SGCZ: variants seen among roughly 807,000 people sequenced by gnomAD.
The protein encoded by SGCZ is zeta-sarcoglycan.
Under a neutral mutation model 41.3 loss-of-function variants are expected in SGCZ, and 40 were observed. That is an observed-to-expected ratio of 0.97 (90% CI 0.75 to 1.26). The LOEUF is 1.26. SGCZ is among the 50% of genes most tolerant of loss of function. The pLI, the probability that SGCZ is intolerant of heterozygous loss-of-function variation, is 0.00. For synonymous variants in SGCZ, 206 were observed against 137.5 expected (o/e 1.50, Z -3.49); for missense variants, 552 against 369.8 (o/e 1.49, Z -4.04).
intron 1 of SGCZ, among the ~76,000 whole-genome samples, chr8:14,834,058 T>C (rs1293032074): frequency 6.6e-6 from 1 of 152,284 alleles, no homozygotes; most frequent in Non-Finnish European, 1.5e-5. Flanking sequence ...AAGGAGTTAC[T>C]AACAGCATTG....
At chr8:14,948,131 G>A (rs1307298425) in intron 1 of SGCZ, among the ~76,000 whole-genome samples, 1 of 152,120 alleles carries the variant, frequency 6.6e-6, no homozygotes, top group Non-Finnish European at 1.5e-5. Flanking sequence ...TAAGCAGAAT[G>A]ACAGTATTTA....
At chr8:14,492,778 A>G (rs1801878566) in intron 2 of SGCZ, among the ~76,000 whole-genome samples, 1 of 152,104 alleles carries the variant, frequency 6.6e-6, no homozygotes, top group Non-Finnish European at 1.5e-5. Flanking sequence ...ACGTCTCTTC[A>G]CTAAAAGTGG....
At chr8:14,413,422 A>T (rs543209490) in intron 2 of SGCZ, among the ~76,000 whole-genome samples, 1 of 151,948 alleles carries the variant, frequency 6.6e-6, no homozygotes, top group African/African-American at 2.4e-5. Context: ...TCTTTCTTCT[A>T]TCTTTGCAAG....
intron 1 of SGCZ, among the ~76,000 whole-genome samples, chr8:15,131,049 T>C (rs1286918235): frequency 1.3e-5 from 2 of 152,178 alleles, no homozygotes; most frequent in East Asian, 3.9e-4. Context: ...ATAAGCAAGC[T>C]GAGGAAGCAT....
At chr8:14,993,902 C>T (rs1802113862) in intron 1 of SGCZ, among the ~76,000 whole-genome samples, 1 of 152,108 alleles carries the variant, frequency 6.6e-6, no homozygotes, top group African/African-American at 2.4e-5. Context: ...TATGACTTTG[C>T]TTAGATTTTA....
At chr8:14,179,551 T>C (rs559884588) in intron 4 of SGCZ, among the ~76,000 whole-genome samples, 6 of 152,292 alleles carry the variant, frequency 3.9e-5, no homozygotes, top group South Asian at 4.2e-4. Context: ...TGTTTCACTA[T>C]ATTAATGATA....
At chr8:15,101,338 G>A in intron 1 of SGCZ, among the ~76,000 whole-genome samples, 1 of 152,124 alleles carries the variant, frequency 6.6e-6, no homozygotes, top group East Asian at 1.9e-4. Context: ...TAAAACTCAT[G>A]TCTGATAAAA....
chr8:14,930,394 TA>T (rs1799891153), intron 1 of SGCZ, among the ~76,000 whole-genome samples: 1 of 152,046 alleles, frequency 6.6e-6, no homozygotes. Flanking sequence ...GATGGGAGTG[TA>T]AATTAGTTCA....
intron 4 of SGCZ, among the ~76,000 whole-genome samples, chr8:14,168,386 G>A (rs201787469): frequency 6.6e-6 from 1 of 152,046 alleles, no homozygotes; most frequent in East Asian, 1.9e-4. Context: ...ATTTCATATT[G>A]AATTGTAGCT....
At chr8:14,567,381 C>T (rs569095123) in intron 1 of SGCZ, among the ~76,000 whole-genome samples, 2 of 152,202 alleles carry the variant, frequency 1.3e-5, no homozygotes, top group East Asian at 3.9e-4. Context: ...GTATCTAGCT[C>T]AAGGTTTGTA....
At chr8:14,821,286 G>T (rs1159892921) in intron 1 of SGCZ, among the ~76,000 whole-genome samples, 1 of 151,776 alleles carries the variant, frequency 6.6e-6, no homozygotes, top group Non-Finnish European at 1.5e-5. Context: ...TAGAAAAACT[G>T]AACAGAACAA....
chr8:14,400,614 T>C (rs760030433), intron 2 of SGCZ, among the ~76,000 whole-genome samples: 2 of 152,124 alleles, frequency 1.3e-5, no homozygotes, highest in Non-Finnish European at 2.9e-5. Context: ...TAAAAATATA[T>C]TATGTGACCA....
intron 5 of SGCZ, among the ~76,000 whole-genome samples, chr8:14,163,491 A>G (rs762583508): frequency 1.3e-5 from 2 of 152,144 alleles, no homozygotes; most frequent in African/African-American, 2.4e-5. Context: ...CCTGTCTCTG[A>G]CATTTGCAGT....
chr8:15,237,375 C>G (rs1802167744), intron 1 of SGCZ, among the ~76,000 whole-genome samples: 1 of 152,192 alleles, frequency 6.6e-6, no homozygotes, highest in South Asian at 2.1e-4. Flanking sequence ...GGCGCCCAGC[C>G]CGGGAGTGCA....
At chr8:14,360,926 GT>G (rs575508221) in intron 2 of SGCZ, among the ~76,000 whole-genome samples, 14 of 152,188 alleles carry the variant, frequency 9.2e-5, no homozygotes, top group Non-Finnish European at 2.1e-4. Flanking sequence ...GAGTGATCTA[GT>G]TTTTCCGCAA....
chr8:15,204,476 T>G, intron 1 of SGCZ, among the ~76,000 whole-genome samples: 1 of 152,292 alleles, frequency 6.6e-6, no homozygotes, highest in East Asian at 1.9e-4. Context: ...TTCAGTCAAA[T>G]TGGGCAGCTT....
Position 14,939,038 on chromosome 8 carries a change from T to C in SGCZ, c.39+298547A>G, listed in dbSNP as rs556303813. Among the ~76,000 whole-genome samples the C allele has an allele frequency of 2.8e-4, 42 of 152,000 alleles. No individual in the cohort carries two copies. In the South Asian group the frequency reaches 8.7e-3, roughly 32 times the overall value. On this transcript the variant is annotated intron_variant, in intron 1 of 7. Coordinates refer to ENST00000382080, the MANE Select transcript of SGCZ (RefSeq NM_139167.4). ...AACAAACAGCAGCTACTCCATGGAG[T>C]AGTCAGAGGCAGAGCCAGCACCTCA...
At chr8:14,756,929 A>G (rs1484090847) in intron 1 of SGCZ, among the ~76,000 whole-genome samples, 2 of 152,228 alleles carry the variant, frequency 1.3e-5, no homozygotes, top group Non-Finnish European at 2.9e-5. Context: ...TGCTATTATA[A>G]TCTTGTAAAA....
At chr8:14,772,601 C>T (rs1800280115) in intron 1 of SGCZ, among the ~76,000 whole-genome samples, 1 of 133,350 alleles carries the variant, frequency 7.5e-6, no homozygotes. Flanking sequence ...ACAACAATCC[C>T]CAGAGTGTGA....
Sources: gnomAD v4.1 joint callset for allele counts (sites outside exome capture counted in the v4.1 genomes callset) on GRCh38, gnomAD v4.1.1 for gene constraint, MANE v1.5 for transcripts, NCBI Gene and HGNC (gene_info 2026-07-23, HGNC 2026-07-21) for gene names.